The following MORC4 variants were observed in gnomAD, a reference collection of about 807,000 sequenced individuals.
MORC4 encodes the protein MORC family CW-type zinc finger 4.
MORC4 carries 22 observed loss-of-function variants against 65.5 expected under a neutral mutation model. The ratio of observed to expected loss-of-function variants is 0.34; its 90% CI spans 0.24 to 0.48. MORC4 has a LOEUF of 0.48. Ranked by LOEUF, MORC4 falls within the 20% of genes least tolerant of loss-of-function variation. The pLI is 0.99. For synonymous variants in MORC4, 267 were observed against 255.8 expected, an observed-to-expected ratio of 1.04 and a Z score of -0.42; for missense variants, 624 against 703.0, an observed-to-expected ratio of 0.89 and a Z score of 1.27.
intron 7 of MORC4, among the ~76,000 whole-genome samples, chrX:106,979,240 A>G (rs1934691351): frequency 9.0e-6 from 1 of 111,273 alleles, no homozygotes; most frequent in African/African-American, 3.3e-5. Context: ...GGTGCATAAC[A>G]CAGTAATGTT....
At chrX:106,965,023 AAG>A (rs2147812846) in intron 9 of MORC4, among the ~76,000 whole-genome samples, 1 of 111,264 alleles carries the variant, frequency 9.0e-6, no homozygotes, top group East Asian at 2.8e-4. Context: ...AAAAAAAAAA[AAG>A]AAAGAAAAGA....
chrX:106,954,836 T>C, intron 14 of MORC4, 77 bp downstream of exon 14: 1 of 969,193 alleles, frequency 1.0e-6, no homozygotes, highest in South Asian at 2.1e-5. Flanking sequence ...AGAAACAAGG[T>C]AAAACATACC....
At chrX:106,985,069 G>A in intron 5 of MORC4, 27 bp downstream of exon 5, 2 of 1,112,751 alleles carry the variant, frequency 1.8e-6, no homozygotes, top group Non-Finnish European at 2.4e-6. Context: ...TTGTTTATTA[G>A]AATCTATCAC....
chrX:106,954,955 A>T lies in MORC4; in HGVS notation c.1643T>A (p.Leu548His), dbSNP rs201996274. 1.4e-5 allele frequency: 17 copies of T among 1,208,438 alleles called. No homozygotes were observed. The highest frequency in any genetic ancestry group is 1.9e-5 in the Non-Finnish European group (17 of 894,676). The change falls in exon 14 of 17, where the codon CTT becomes CAT. Residue 548 changes from leucine to histidine, a missense_variant. By Grantham distance (99) the Leu-to-His change is moderately conservative. Transcript: ENST00000355610. ...SGGEESRSPSLQLKPLDSSVL... is the reference protein window; with the variant it reads ...SGGEESRSPSHQLKPLDSSVL... ...ACTGGAATCCAGAGGCTTAAGTTGA[A>T]GAGATGGTGATCTGCTTTCTTCTCC...
intron 3 of MORC4, among the ~76,000 whole-genome samples, chrX:106,988,556 G>A (rs777708607): frequency 1.8e-5 from 2 of 111,580 alleles, no homozygotes; most frequent in African/African-American, 6.5e-5. Context: ...TCTCATGTTC[G>A]GCATTCTATT....
At chrX:106,972,647 G>C (rs780023619) in intron 9 of MORC4, among the ~76,000 whole-genome samples, 2 of 111,733 alleles carry the variant, frequency 1.8e-5, no homozygotes, top group African/African-American at 6.5e-5. Context: ...TAGCATGAAA[G>C]CTAGCTTGAG....
At chrX:106,981,501 A>G in intron 5 of MORC4, 24 bp from the exon 6 acceptor site, 1 of 1,149,543 alleles carries the variant, frequency 8.7e-7, no homozygotes, top group South Asian at 2.2e-5. Context: ...ACAAGTACCA[A>G]TCTAACAAAA....
In MORC4 at chrX:106,941,172, T is replaced by C. The variant is rs190378038; in HGVS notation, c.*307A>G. Reference sequence around the variant, plus strand: ...ATACAAACCATTTCAGAAAAAGATATACAATAGACCACATATCCAGGTCAT... The same window carrying C: ...ATACAAACCATTTCAGAAAAAGATACACAATAGACCACATATCCAGGTCAT... On this transcript the variant is annotated 3_prime_UTR_variant, in exon 17 of 17. Transcript: ENST00000355610. The C allele has an allele frequency of 3.3e-4, 71 of 215,112 alleles. No homozygotes were observed. The highest frequency in any genetic ancestry group is 1.5e-3 in the African/African-American group (52 of 34,358). 17.7% of individuals were successfully genotyped at this position (215,112 alleles called of 1,213,427 possible).
At chrX:106,999,778 G>T (rs751126909) in intron 1 of MORC4, 29 bp from the exon 2 acceptor site, 11 of 1,038,637 alleles carry the variant, frequency 1.1e-5, no homozygotes, top group Non-Finnish European at 2.5e-6. Context: ...CCCGACCCGC[G>T]TGAGGCCTCG....
intron 14 of MORC4, among the ~76,000 whole-genome samples, chrX:106,943,815 T>C (rs1365769454): frequency 8.9e-6 from 1 of 112,598 alleles, no homozygotes; most frequent in Non-Finnish European, 1.9e-5. Context: ...ATCAGCCAAT[T>C]CAAGTCATTT....
At position 106,943,061 on chromosome X, in the gene MORC4, G is replaced by A. The variant is rs146759137; in HGVS notation, c.1830C>T (p.Asn610=). The change falls in exon 15 of 17, where the codon AAC becomes AAT. Residue 610 remains asparagine, a synonymous_variant. Transcript: ENST00000355610. ...TCTCAGAACTCGATTTATCATGGCTGTTCTCCCCTTCTGGGTAGGCAACAG... is the reference window on the plus strand; with the variant it reads ...TCTCAGAACTCGATTTATCATGGCTATTCTCCCCTTCTGGGTAGGCAACAG... The part of the protein sequence containing the change: ...EAPVAYPEGE[N]SHDKSSSERS... The A allele has an allele frequency of 2.0e-4, 237 of 1,209,653 alleles. No individual in the cohort carries two copies. Among genetic ancestry groups the A allele is most frequent in the Non-Finnish European group, 2.5e-4 (221 of 895,063 alleles).
rs1458021876 is a variant in MORC4, at chrX:106,986,222, CAAATCAGAAAAAAAG to C, written c.309-37_309-23del. On this transcript the variant is annotated intron_variant, in intron 3 of 16. Transcript: ENST00000355610. ...AAAGCTGCAATTACACAAGAAAAAA[CAAATCAGAAAAAAAG>C]AAATCAGAAAGGTAAAAAGCATCCT... 5.4e-6 allele frequency: 6 copies of C among 1,114,674 alleles called. No homozygotes were observed. The African/African-American group carries it at 7.5e-5, about 14-fold the overall frequency. The allele number at this position is 1,114,674 out of a possible 1,213,427, so 91.9% of individuals were successfully genotyped here.
Position 106,978,137 on chromosome X carries a change from C to T in MORC4, c.999G>A (p.Met333Ile). 8.3e-7 allele frequency: 1 copy of T among 1,208,076 alleles called. No homozygotes were observed. The highest frequency in any genetic ancestry group is 1.1e-6 in the Non-Finnish European group (1 of 892,680). The change falls in exon 8 of 17, where the codon ATG becomes ATA. Residue 333 changes from methionine (M) to isoleucine (I), a missense_variant. Coordinates refer to ENST00000355610, the MANE Select transcript of MORC4 (RefSeq NM_024657.5). ...SCKNSNQFGIMMYHNNRLIKS... is the reference protein window; with the variant it reads ...SCKNSNQFGIIMYHNNRLIKS... ...TTATGAGTCGGTTGTTATGATACATCATTATTCCAAACTGGTTACTATTCT... is the reference window on the plus strand; with the variant it reads ...TTATGAGTCGGTTGTTATGATACATTATTATTCCAAACTGGTTACTATTCT...
intron 13 of MORC4, among the ~76,000 whole-genome samples, chrX:106,956,067 A>C (rs36078819): frequency 0.091 from 10,152 of 111,116 alleles, 1,202 homozygotes; most frequent in African/African-American, 0.32. Context: ...AAGCAGGGAT[A>C]GGGGAGGAGT....
At chrX:106,995,797 G>A (rs893314789) in intron 2 of MORC4, among the ~76,000 whole-genome samples, 1 of 112,000 alleles carries the variant, frequency 8.9e-6, no homozygotes, top group Admixed American at 9.5e-5. Context: ...CTTTGTAAGA[G>A]GCAGCAGTAT....
intron 7 of MORC4, among the ~76,000 whole-genome samples, chrX:106,978,749 G>A (rs777305627): frequency 5.2e-4 from 58 of 111,361 alleles, no homozygotes; most frequent in Non-Finnish European, 6.8e-4. Flanking sequence ...TCAGTTTGCT[G>A]CTAGGGCACA....
At chrX:106,949,149 ATTC>A (rs1303752789) in intron 14 of MORC4, among the ~76,000 whole-genome samples, 1 of 111,064 alleles carries the variant, frequency 9.0e-6, no homozygotes, top group Non-Finnish European at 1.9e-5. Context: ...AAGTTTTTTT[ATTC>A]TTTATTCTTC....
At position 106,944,781 on chromosome X, in the gene MORC4, CCAAA is replaced by C. The variant is rs761296723; in HGVS notation, c.1686-1580_1686-1577del. 9.9e-5 allele frequency among the ~76,000 whole-genome samples: 11 copies of C among 111,595 alleles called. No homozygotes were observed. The South Asian group carries it at 4.2e-3, about 43-fold the overall frequency. ...GTTTCCTATTTGTGTTACAACAGCACCAAACTGTCACTAATATTTATACGGTAGG... is the reference window on the plus strand; with the variant it reads ...GTTTCCTATTTGTGTTACAACAGCACCTGTCACTAATATTTATACGGTAGG... On this transcript the variant is annotated intron_variant, in intron 14 of 16. Coordinates refer to ENST00000355610, the MANE Select transcript of MORC4 (RefSeq NM_024657.5).
rs1281582548 is a variant in MORC4, at chrX:106,942,775, C to T, written c.2116G>A (p.Ala706Thr). Residue 706 changes from alanine to threonine, a missense_variant, in exon 15 of 17, where the codon GCT (alanine) becomes ACT (threonine). Ala to Thr is a moderately conservative substitution (Grantham distance 58, BLOSUM62 0). Coordinates refer to ENST00000355610, the MANE Select transcript of MORC4 (RefSeq NM_024657.5). ...GVAKGVRDSGAPIQLIPFNRE... is the reference protein window; with the variant it reads ...GVAKGVRDSGTPIQLIPFNRE... ...TTAAAAGGGATCAGCTGAATGGGAG[C>T]TCCTGAATCTCTAACACCTTTGGCA... 8 of 1,209,836 alleles carry T rather than the reference C, an allele frequency of 6.6e-6. No individual in the cohort carries two copies. The highest frequency in any genetic ancestry group is 8.9e-6 in the Non-Finnish European group (8 of 895,119).
Sources: allele counts gnomAD v4.1 joint callset (sites outside exome capture counted in the v4.1 genomes callset), GRCh38; gene constraint gnomAD v4.1.1; transcripts MANE v1.5; gene names NCBI Gene and HGNC (gene_info 2026-07-23, HGNC 2026-07-21).